The following GTPBP4 variants were observed in gnomAD, a reference collection of about 807,000 sequenced individuals.
GTPBP4 encodes GTP-binding protein 4.
In GTPBP4, 15 loss-of-function variants were observed where a neutral mutation model predicts 81.7. The ratio of observed to expected loss-of-function variants is 0.18; its 90% CI spans 0.12 to 0.28. The LOEUF is 0.28. Ranked by LOEUF, GTPBP4 falls within the 10% of genes least tolerant of loss-of-function variation. The pLI, the probability that GTPBP4 is intolerant of heterozygous loss-of-function variation, is 1.00. For missense variants in GTPBP4, 847 were observed against 793.8 expected, an observed-to-expected ratio of 1.07 and a Z score of -0.81; for synonymous variants, 272 against 274.6, an observed-to-expected ratio of 0.99 and a Z score of 0.09.
rs1018743771 is a variant in GTPBP4, at chr10:1,016,543, T to G, written c.1753-532T>G. Among the ~76,000 whole-genome samples the G allele has an allele frequency of 3.9e-5, 6 of 152,252 alleles. No individual in the cohort carries two copies. In the East Asian group the frequency reaches 9.6e-4, roughly 24 times the overall value. On this transcript the variant is annotated intron_variant, in intron 16 of 16. Coordinates refer to ENST00000360803, the MANE Select transcript of GTPBP4 (RefSeq NM_012341.3). Reference sequence around the variant, plus strand: ...TCACTCCTCTGTGCCATTGCCATCTTGAAACCTGGCTGTTAATATTGGCAT... The same window carrying G: ...TCACTCCTCTGTGCCATTGCCATCTGGAAACCTGGCTGTTAATATTGGCAT...
At chr10:997,122 CCTGGACT>C (rs1229798623) in intron 4 of GTPBP4, 79 bp from the exon 5 acceptor site, 5 of 829,496 alleles carry the variant, frequency 6.0e-6, no homozygotes, top group African/African-American at 1.7e-5. Flanking sequence ...TCACCATAGG[CCTGGACT>C]GTAACTAAGT....
intron 10 of GTPBP4, chr10:1,008,083 A>C (rs1206598215): frequency 2.2e-6 from 1 of 456,308 alleles, no homozygotes; most frequent in East Asian, 6.9e-5. Context: ...CATTGTACAT[A>C]GAAAGGCTTA....
chr10:1,005,817 G>A lies in GTPBP4; in HGVS notation c.913-1G>A. 1 of 1,560,098 alleles carries A rather than the reference G, an allele frequency of 6.4e-7. No homozygotes were observed. Among genetic ancestry groups the A allele is most frequent in the Non-Finnish European group, 8.8e-7 (1 of 1,131,178 alleles). Reference sequence around the variant, plus strand: ...CTCTCGTTTTTTCTTTGCATTCCCAGAAAATATTTACAGATTTGCAGTCTG... The same window carrying A: ...CTCTCGTTTTTTCTTTGCATTCCCAAAAAATATTTACAGATTTGCAGTCTG... On this transcript the variant is annotated splice_acceptor_variant, in intron 8 of 16. Transcript: ENST00000360803. LOFTEE classifies it high-confidence loss of function.
intron 10 of GTPBP4, 112 bp from the exon 11 acceptor site, chr10:1,008,846 T>C: frequency 1.2e-6 from 1 of 807,184 alleles, no homozygotes; most frequent in Non-Finnish European, 2.2e-6. Context: ...TTGGTCTGGG[T>C]ATGGTTTTCT....
At chr10:1,006,792 C>T (rs1831745617) in intron 9 of GTPBP4, among the ~76,000 whole-genome samples, 1 of 152,168 alleles carries the variant, frequency 6.6e-6, no homozygotes, top group South Asian at 2.1e-4. Context: ...TTGGAGGGCA[C>T]CGTCTGTGCA....
chr10:1,012,526 T>C lies in GTPBP4; in HGVS notation c.1406T>C (p.Val469Ala), dbSNP rs766801110. ...ACAGCTGCTGGAGAGTATGACAGTG[T>C]ATCTGAGAGTGAAGACGAAGAGATG... ...LRTAAGEYDS[V>A]SESEDEEMLE... The change falls in exon 14 of 17, where the codon GTA (valine) becomes GCA (alanine). Residue 469 changes from valine (V) to alanine (A), a missense_variant. Transcript: ENST00000360803. 1.9e-6 allele frequency: 3 copies of C among 1,612,990 alleles called. No homozygotes were observed. The South Asian group carries it at 3.3e-5, about 18-fold the overall frequency.
intron 10 of GTPBP4, chr10:1,007,368 T>C (rs895260980): frequency 1.3e-5 from 5 of 390,552 alleles, no homozygotes; most frequent in Non-Finnish European, 2.3e-5. Context: ...CTTCCAGAAA[T>C]GTTTCTGATA....
intron 1 of GTPBP4, among the ~76,000 whole-genome samples, chr10:990,944 T>C (rs1831431426): frequency 6.6e-6 from 1 of 151,826 alleles, no homozygotes; most frequent in African/African-American, 2.4e-5. Flanking sequence ...CAGAAGAACG[T>C]AGAGAAGATC....
At chr10:998,296 C>T (rs1029722556) in intron 5 of GTPBP4, among the ~76,000 whole-genome samples, 5 of 152,156 alleles carry the variant, frequency 3.3e-5, no homozygotes, top group African/African-American at 1.2e-4. Context: ...GATGGAGTCT[C>T]ACTGTGTTCC....
intron 8 of GTPBP4, among the ~76,000 whole-genome samples, chr10:1,004,017 C>T (rs73590154): frequency 1.3e-3 from 192 of 152,250 alleles, no homozygotes; most frequent in African/African-American, 4.4e-3. Context: ...GCCCACAGGG[C>T]AAGGCTGTGG....
rs1031498735 is a variant in GTPBP4, at chr10:1,019,075, G to A, written c.*1848G>A. The A allele has an allele frequency of 6.2e-6, 1 of 161,360 alleles. No individual in the cohort carries two copies. Among genetic ancestry groups the A allele is most frequent in the Non-Finnish European group, 1.4e-5 (1 of 73,518 alleles). 10.0% of individuals were successfully genotyped at this position (161,360 alleles called of 1,614,324 possible). On this transcript the variant is annotated 3_prime_UTR_variant, in exon 17 of 17. Transcript: ENST00000360803. ...CTTTTTTTTAAAAATGCAGCCTTGT[G>A]TTGCACTCTGAAATAAGTGATTTAA... is the stretch of plus-strand genomic sequence containing the variant.
intron 10 of GTPBP4, chr10:1,007,742 G>C (rs947234753): frequency 7.9e-6 from 3 of 379,996 alleles, no homozygotes; most frequent in African/African-American, 6.3e-5. Flanking sequence ...GACGCTGGAG[G>C]CTGTGTCCTT....
chr10:989,017 A>T (rs1275908088), intron 1 of GTPBP4: 2 of 155,224 alleles, frequency 1.3e-5, no homozygotes, highest in East Asian at 3.8e-4. Context: ...AGATTTGGGA[A>T]TACCTGTTCC....
intron 4 of GTPBP4, 81 bp from the exon 5 acceptor site, chr10:997,127 A>G (rs181119637): frequency 1.1e-4 from 95 of 850,380 alleles, no homozygotes; most frequent in East Asian, 1.1e-3. Context: ...ATAGGCCTGG[A>G]CTGTAACTAA....
At position 1,007,091 on chromosome 10, in the gene GTPBP4, G is replaced by C; in HGVS notation, c.1076G>C (p.Arg359Thr). The C allele has an allele frequency of 1.2e-6, 2 of 1,608,746 alleles. No individual in the cohort carries two copies. Among genetic ancestry groups the C allele is most frequent in the Non-Finnish European group, 1.7e-6 (2 of 1,175,080 alleles). Reference sequence around the variant, plus strand: ...AATAAAGTGAATGAGGTGCTGAATAGACTGCACCTGGCTATCCCAACCAGG... The same window carrying C: ...AATAAAGTGAATGAGGTGCTGAATACACTGCACCTGGCTATCCCAACCAGG... ...KGNKVNEVLN[R>T]LHLAIPTRRD... is the part of the protein sequence containing the mutation. The change falls in exon 10 of 17, where the codon AGA (arginine) becomes ACA (threonine). Residue 359 changes from arginine to threonine, a missense_variant. Arg to Thr is a moderately conservative substitution (Grantham distance 71). Transcript: ENST00000360803.
intron 5 of GTPBP4, among the ~76,000 whole-genome samples, chr10:997,620 A>G (rs190902318): frequency 2.0e-4 from 31 of 152,344 alleles, no homozygotes; most frequent in Admixed American, 1.6e-3. Context: ...TGTGTGTCCT[A>G]TAATTTCTAA....
intron 12 of GTPBP4, 43 bp from the exon 13 acceptor site, chr10:1,010,377 T>C (rs1464238402): frequency 5.9e-6 from 6 of 1,010,342 alleles, no homozygotes; most frequent in East Asian, 2.4e-5. Context: ...CTTGAAGATA[T>C]TAAAAACTGC....
intron 8 of GTPBP4, among the ~76,000 whole-genome samples, chr10:1,002,933 C>T (rs1050463336): frequency 2.0e-5 from 3 of 152,164 alleles, no homozygotes; most frequent in African/African-American, 7.2e-5. Flanking sequence ...CTTGAACTTC[C>T]TGGTTTTAGA....
intron 8 of GTPBP4, among the ~76,000 whole-genome samples, chr10:1,003,886 G>T (rs753005458): frequency 2.6e-5 from 4 of 152,142 alleles, no homozygotes; most frequent in Non-Finnish European, 4.4e-5. Flanking sequence ...AGGTACTCAG[G>T]GTAGCTGTGG....
Sources: allele counts gnomAD v4.1 joint callset (sites outside exome capture counted in the v4.1 genomes callset), GRCh38; gene constraint gnomAD v4.1.1; transcripts MANE v1.5; gene names NCBI Gene and HGNC (gene_info 2026-07-23, HGNC 2026-07-21).